TSBP1: variants seen among roughly 807,000 people sequenced by gnomAD.
The protein encoded by TSBP1 is testis expressed basic protein 1.
Under a neutral mutation model 68.8 loss-of-function variants are expected in TSBP1, and 56 were observed. That is an observed-to-expected ratio of 0.81 (90% CI 0.66 to 1.02). TSBP1 has a LOEUF of 1.02. Ranked by LOEUF, TSBP1 falls within the 50% of genes least tolerant of loss-of-function variation. The probability of loss-of-function intolerance (pLI) is 0.00; values close to 1 mark genes in which losing one functional copy is unlikely to be tolerated. For missense variants in TSBP1, 502 were observed against 641.2 expected (o/e 0.78, Z 2.34); for synonymous variants, 171 against 208.7 (o/e 0.82, Z 1.56).
intron 10 of TSBP1, 48 bp from the exon 12 acceptor site, chr6:32,339,047 G>A (rs1219199633): frequency 6.6e-7 from 1 of 1,521,830 alleles, no homozygotes; most frequent in Non-Finnish European, 9.1e-7. Flanking sequence ...ATGACTCAAG[G>A]GTGTTTATCT....
intron 6 of TSBP1, among the ~76,000 whole-genome samples, chr6:32,359,298 C>G (rs6457550): frequency 0.29 from 44,217 of 151,918 alleles, 7,463 homozygotes; most frequent in African/African-American, 0.44. Context: ...CACATCCTCT[C>G]TAGCACCTGT....
rs1176771114 is a variant in TSBP1 at position 32,366,238 on chromosome 6, T to C, written c.196+35A>G. 2.5e-6 allele frequency: 4 copies of C among 1,591,802 alleles called. No homozygotes were observed. The African/African-American group carries it at 5.4e-5, about 22-fold the overall frequency. On this transcript the variant is annotated intron_variant, in intron 5 of 22. Coordinates refer to ENST00000612031, the Ensembl canonical transcript of TSBP1. ...GATTCTTAATTTCTCATAAACAGAC[T>C]CCTATATTAATTTCTTAGCAATACA... is the stretch of plus-strand genomic sequence containing the variant.
intron 8 of TSBP1, among the ~76,000 whole-genome samples, chr6:32,351,688 C>G: frequency 6.6e-6 from 1 of 152,008 alleles, no homozygotes; most frequent in Non-Finnish European, 1.5e-5. Context: ...AATGGAAACT[C>G]TTGAATGTTT....
At chr6:32,318,596 A>G (rs902880226) in intron 18 of TSBP1, among the ~76,000 whole-genome samples, 1 of 152,220 alleles carries the variant, frequency 6.6e-6, no homozygotes, top group Non-Finnish European at 1.5e-5. Flanking sequence ...GCATATTACC[A>G]TGTGGATGAA....
Position 32,340,807 on chromosome 6 carries a change from T to TC in TSBP1, c.350-1170_350-1169insG, listed in dbSNP as rs1770246047. Among the ~76,000 whole-genome samples the TC allele has an allele frequency of 6.6e-6, 1 of 151,808 alleles. No individual in the cohort carries two copies. Among genetic ancestry groups the TC allele is most frequent in the Non-Finnish European group, 1.5e-5 (1 of 67,928 alleles). Reference sequence around the variant, plus strand: ...GAGGAGAAAGGAATTTTTCTTTCTTTTTTTTTTTGAGACAATCTCTCTCTG... The same window carrying TC: ...GAGGAGAAAGGAATTTTTCTTTCTTTCTTTTTTTTGAGACAATCTCTCTCTG... On this transcript the variant is annotated intron_variant, in intron 9 of 22. Coordinates refer to ENST00000612031, the Ensembl canonical transcript of TSBP1. This position sits in a 1 kb window ranked among gnomAD's most constrained non-coding sequence, Gnocchi z 4.8.
intron 19 of TSBP1, among the ~76,000 whole-genome samples, chr6:32,310,761 A>ATATATATATTTTTTTTTTTTTTTTTT: frequency 4.1e-5 from 6 of 144,828 alleles, no homozygotes; most frequent in Non-Finnish European, 4.5e-5. Context: ...ATATATATAT[A>ATATATATATTTTTTTTTTTTTTTTTT]TTTTTAATCT....
intron 6 of TSBP1, chr6:32,356,937 T>A (rs1461653492): frequency 6.5e-6 from 1 of 153,314 alleles, no homozygotes; most frequent in African/African-American, 2.4e-5. Flanking sequence ...ATGTGATATA[T>A]TTAAGTTAAA....
At chr6:32,362,818 G>C (rs1331499932) in intron 6 of TSBP1, among the ~76,000 whole-genome samples, 1 of 152,144 alleles carries the variant, frequency 6.6e-6, no homozygotes, top group Non-Finnish European at 1.5e-5. Context: ...CTTTGTGTAT[G>C]GTATATGATA....
At chr6:32,324,448 G>T (rs904584466) in intron 16 of TSBP1, 12 of 738,724 alleles carry the variant, frequency 1.6e-5, no homozygotes, top group Middle Eastern at 2.3e-4. Flanking sequence ...ACTGGTAACT[G>T]CTTGAAATCC....
exon 23 of TSBP1, chr6:32,293,322 G>A (rs761851574): frequency 6.2e-7 from 1 of 1,612,532 alleles, no homozygotes; most frequent in Non-Finnish European, 8.5e-7. Flanking sequence ...GGTCCTTTCA[G>A]TACACCTGCC....
At chr6:32,368,749 ATATT>A (rs778360295) in intron 3 of TSBP1, 29 bp downstream of exon 3, 28 of 1,543,798 alleles carry the variant, frequency 1.8e-5, no homozygotes, top group East Asian at 9.1e-5. Flanking sequence ...TATAAGTACT[ATATT>A]TATTTTTCTC....
At chr6:32,370,407 G>GTGTGTGTATATATA (rs1241237254) in intron 1 of TSBP1, among the ~76,000 whole-genome samples, 47 of 130,704 alleles carry the variant, frequency 3.6e-4, no homozygotes, top group East Asian at 1.5e-3. Context: ...AAGATTTTCT[G>GTGTGTGTATATATA]TATATATATA....
At chr6:32,294,672 G>C (rs1474916752) in intron 22 of TSBP1, among the ~76,000 whole-genome samples, 1 of 152,166 alleles carries the variant, frequency 6.6e-6, no homozygotes, top group African/African-American at 2.4e-5. Context: ...GTAGGTGGTG[G>C]AGCTGGGATT....
intron 19 of TSBP1, among the ~76,000 whole-genome samples, chr6:32,307,961 G>A (rs935196567): frequency 6.6e-6 from 1 of 151,878 alleles, no homozygotes; most frequent in Non-Finnish European, 1.5e-5. Flanking sequence ...TTTTAGTAGA[G>A]ACAGGGTTTC....
chr6:32,298,244 T>A (rs9268154), intron 22 of TSBP1, among the ~76,000 whole-genome samples: 125,982 of 152,104 alleles, frequency 0.83, 52,284 homozygotes, highest in South Asian at 0.92. Flanking sequence ...CATTATAATT[T>A]TTCTGAATGC....
At chr6:32,303,305 C>A (rs1765477888) in intron 19 of TSBP1, among the ~76,000 whole-genome samples, 1 of 140,762 alleles carries the variant, frequency 7.1e-6, no homozygotes, top group African/African-American at 2.8e-5. Context: ...CTCTTCAGTT[C>A]TAGTACGTGT....
In TSBP1 at chr6:32,315,850, A is replaced by G; in HGVS notation, c.560-58T>C. 8.8e-7 allele frequency: 1 copy of G among 1,131,764 alleles called. No individual in the cohort carries two copies. The highest frequency in any genetic ancestry group is 1.3e-6 in the Non-Finnish European group (1 of 793,740). 70.1% of individuals were successfully genotyped at this position (1,131,764 alleles called of 1,614,324 possible). On this transcript the variant is annotated intron_variant, in intron 18 of 22. Coordinates refer to ENST00000612031, the Ensembl canonical transcript of TSBP1. This position sits in a 1 kb window ranked among gnomAD's most constrained non-coding sequence, Gnocchi z 5.4. ...TTTTCTCAAATGGAGAAAACATAGC[A>G]TTATCTAACATATTTTGTTGGAGTC...
chr6:32,324,961 ATAAC>A (rs1371715817), intron 16 of TSBP1, among the ~76,000 whole-genome samples: 2 of 152,188 alleles, frequency 1.3e-5, no homozygotes, highest in African/African-American at 4.8e-5. Flanking sequence ...AAACAAATAA[ATAAC>A]TGACTAATTG....
intron 15 of TSBP1, among the ~76,000 whole-genome samples, chr6:32,331,030 T>C (rs1768955040): frequency 6.6e-6 from 1 of 152,220 alleles, no homozygotes; most frequent in South Asian, 2.1e-4. Context: ...CAGGAATTAC[T>C]AAATCTCAGT....
Sources: gnomAD v4.1 joint callset for allele counts (sites outside exome capture counted in the v4.1 genomes callset) on GRCh38, gnomAD v4.1.1 for gene constraint, Gnocchi (gnomAD v3.1) non-coding constraint, MANE v1.5 for transcripts, NCBI Gene and HGNC (gene_info 2026-07-23, HGNC 2026-07-21) for gene names.